The following CACNA2D4 variants were observed in gnomAD, a reference collection of about 807,000 sequenced individuals.
The protein encoded by CACNA2D4 is voltage-dependent calcium channel subunit alpha-2/delta-4.
Under a neutral mutation model 163.8 loss-of-function variants are expected in CACNA2D4, and 157 were observed. The observed-to-expected ratio is 0.96, with a 90% CI of 0.84 to 1.09. The LOEUF (loss-of-function observed/expected upper bound fraction) is 1.09, where lower values mean the gene tolerates loss of function less well. CACNA2D4 is among the 50% of genes least tolerant of loss of function. CACNA2D4 has a pLI of 0.00. For missense variants in CACNA2D4, 1,410 were observed against 1,479.9 expected, an observed-to-expected ratio of 0.95 and a Z score of 0.78; for synonymous variants, 598 against 586.9, an observed-to-expected ratio of 1.02 and a Z score of -0.27.
intron 26 of CACNA2D4, among the ~76,000 whole-genome samples, chr12:1,812,374 C>T (rs575185518): frequency 7.9e-5 from 12 of 152,360 alleles, no homozygotes; most frequent in Non-Finnish European, 1.5e-4. Context: ...AGGGCCACCC[C>T]TGACTTTCTG....
At chr12:1,889,459 T>A (rs565081863) in intron 6 of CACNA2D4, among the ~76,000 whole-genome samples, 1 of 152,224 alleles carries the variant, frequency 6.6e-6, no homozygotes, top group African/African-American at 2.4e-5. Context: ...AAGGCCTTTG[T>A]TGACTGAGTA....
chr12:1,916,153 T>C (rs1866971787), intron 1 of CACNA2D4, among the ~76,000 whole-genome samples: 1 of 152,016 alleles, frequency 6.6e-6, no homozygotes, highest in African/African-American at 2.4e-5. Context: ...CAGTGTGGGT[T>C]GTTGACCTGA....
intron 20 of CACNA2D4, among the ~76,000 whole-genome samples, chr12:1,858,160 G>A (rs1385248543): frequency 1.3e-5 from 2 of 152,174 alleles, no homozygotes; most frequent in African/African-American, 2.4e-5. Context: ...CCATGTTTGC[G>A]GTACTTTGTG....
chr12:1,910,373 G>A (rs972781431), intron 3 of CACNA2D4, among the ~76,000 whole-genome samples: 3 of 152,210 alleles, frequency 2.0e-5, no homozygotes, highest in African/African-American at 4.8e-5. Context: ...CAGAATGTAC[G>A]AGAATGAACC....
chr12:1,812,912 TTC>T (rs1863757930), intron 26 of CACNA2D4, among the ~76,000 whole-genome samples: 2 of 152,198 alleles, frequency 1.3e-5, no homozygotes, highest in African/African-American at 4.8e-5. Context: ...GTCACAGTCA[TTC>T]TCACTTCTCG....
Position 1,871,061 on chromosome 12 carries a change from G to T in CACNA2D4, c.1878+3543C>A, listed in dbSNP as rs555556010. ...TGTGTGTGTATACGTGTGTGTTGCT[G>T]GTGGTGTGTACGCACGTGTTGCTGG... On this transcript the variant is annotated intron_variant, in intron 18 of 37. Coordinates refer to ENST00000382722, the MANE Select transcript of CACNA2D4 (RefSeq NM_172364.5). 3.9e-5 allele frequency among the ~76,000 whole-genome samples: 6 copies of T among 152,078 alleles called. No homozygotes were observed. The South Asian group carries it at 1.2e-3, about 32-fold the overall frequency.
chr12:1,915,155 C>G (rs569141250), intron 1 of CACNA2D4: 3 of 702,850 alleles, frequency 4.3e-6, no homozygotes, highest in Non-Finnish European at 7.8e-6. Flanking sequence ...TATGCATACA[C>G]ACACGTGACA....
intron 26 of CACNA2D4, among the ~76,000 whole-genome samples, chr12:1,813,940 C>T (rs573947641): frequency 1.1e-4 from 17 of 152,294 alleles, no homozygotes; most frequent in African/African-American, 3.8e-4. Flanking sequence ...GGGGACCCCT[C>T]GGTCTCTTCT....
At chr12:1,864,353 TA>T (rs1441039268) in intron 18 of CACNA2D4, among the ~76,000 whole-genome samples, 1 of 152,208 alleles carries the variant, frequency 6.6e-6, no homozygotes, top group Non-Finnish European at 1.5e-5. Context: ...TCTATTTTGG[TA>T]AATACGAATG....
At chr12:1,912,922 C>T (rs1055016528) in intron 3 of CACNA2D4, 101 bp downstream of exon 3, 38 of 708,412 alleles carry the variant, frequency 5.4e-5, no homozygotes, top group Middle Eastern at 3.0e-4. Context: ...GAGAGGGTCA[C>T]GAGGGGGGAG....
intron 18 of CACNA2D4, among the ~76,000 whole-genome samples, chr12:1,860,964 T>C (rs1434737795): frequency 6.6e-6 from 1 of 152,212 alleles, no homozygotes; most frequent in Non-Finnish European, 1.5e-5. Context: ...TTCTCATTTG[T>C]AAATCAGGAT....
At position 1,858,599 on chromosome 12, in the gene CACNA2D4, C is replaced by T. The variant is rs764496676; in HGVS notation, c.1986G>A (p.Leu662=). 7 of 1,613,240 alleles carry T rather than the reference C, an allele frequency of 4.3e-6. No homozygotes were observed. The highest frequency in any genetic ancestry group is 3.3e-5 in the South Asian group (3 of 90,984). The change falls in exon 20 of 38, where the codon CTG becomes CTA. Residue 662 remains leucine (L), a synonymous_variant. Coordinates refer to ENST00000382722, the MANE Select transcript of CACNA2D4 (RefSeq NM_172364.5). ...CACCTTCTTCCACAGACGTGTTCCC[C>T]AGAAGGATGTATTCTCCGTGGCCCC... is the stretch of plus-strand genomic sequence containing the variant. ...LSRGHGEYIL[L]GNTSVEEGLH... is the part of the protein sequence containing the mutation.
In CACNA2D4 at chr12:1,885,704, C is replaced by A. The variant is rs146618688; in HGVS notation, c.1068+261G>T. On this transcript the variant is annotated intron_variant, in intron 9 of 37. Coordinates refer to ENST00000382722, the MANE Select transcript of CACNA2D4 (RefSeq NM_172364.5). Reference sequence around the variant, plus strand: ...AAGGGGAAATTGAGTCCTATATAATCCACAGGGTGAAAAACCAGTCCTGAA... The same window carrying A: ...AAGGGGAAATTGAGTCCTATATAATACACAGGGTGAAAAACCAGTCCTGAA... 2.6e-3 allele frequency among the ~76,000 whole-genome samples: 402 copies of A among 152,272 alleles called. 2 individuals carry two copies. Among genetic ancestry groups the A allele is most frequent in the African/African-American group, 9.1e-3 (378 of 41,544 alleles).
chr12:1,800,306 G>A, intron 32 of CACNA2D4, 80 bp downstream of exon 32: 1 of 1,474,602 alleles, frequency 6.8e-7, no homozygotes, highest in Non-Finnish European at 9.5e-7. Flanking sequence ...TGGAGACCTT[G>A]CAGCCTCCTG....
At chr12:1,794,774 C>T (rs1015876570) in intron 37 of CACNA2D4, among the ~76,000 whole-genome samples, 1 of 152,128 alleles carries the variant, frequency 6.6e-6, no homozygotes, top group African/African-American at 2.4e-5. Flanking sequence ...TTTATGGAGG[C>T]CTCATTATGA....
chr12:1,902,144 A>G (rs1215234298), intron 6 of CACNA2D4, among the ~76,000 whole-genome samples: 1 of 151,916 alleles, frequency 6.6e-6, no homozygotes, highest in Non-Finnish European at 1.5e-5. Flanking sequence ...CAGAATAAGC[A>G]TTTGATAAAA....
rs150803577 is a variant in CACNA2D4, at chr12:1,855,275, G to A, written c.2152+737C>T. Among the ~76,000 whole-genome samples, 1,213 of 152,300 alleles carry A rather than the reference G, an allele frequency of 8.0e-3. 14 individuals are homozygous for A. The highest frequency in any genetic ancestry group is 0.028 in the African/African-American group (1,157 of 41,568). Reference sequence around the variant, plus strand: ...CAGGGTGCAAGCTCAGTACAGATTTGTTGATGAAATGAATAAATAAGTAAG... The same window carrying A: ...CAGGGTGCAAGCTCAGTACAGATTTATTGATGAAATGAATAAATAAGTAAG... On this transcript the variant is annotated intron_variant, in intron 22 of 37. Coordinates refer to ENST00000382722, the MANE Select transcript of CACNA2D4 (RefSeq NM_172364.5).
chr12:1,794,957 A>G (rs1863067712), intron 37 of CACNA2D4: 1 of 466,276 alleles, frequency 2.1e-6, no homozygotes, highest in Non-Finnish European at 3.8e-6. Flanking sequence ...TCTAATTAGC[A>G]TACAAAGATA....
chr12:1,908,127 A>ATTTTT, intron 4 of CACNA2D4, 90 bp from the exon 5 acceptor site: 1 of 1,372,656 alleles, frequency 7.3e-7, no homozygotes, highest in Non-Finnish European at 1.0e-6. Flanking sequence ...TGAGAGGACG[A>ATTTTT]GAGGGCCGGG....
Sources: gnomAD v4.1 joint callset for allele counts (sites outside exome capture counted in the v4.1 genomes callset) on GRCh38, gnomAD v4.1.1 for gene constraint, MANE v1.5 for transcripts, NCBI Gene and HGNC (gene_info 2026-07-23, HGNC 2026-07-21) for gene names.